RABEPK: variants seen among roughly 807,000 people sequenced by gnomAD.
RABEPK encodes the protein Rab9 effector protein with kelch motifs.
Under a neutral mutation model 34.1 loss-of-function variants are expected in RABEPK, and 27 were observed. That is an observed-to-expected ratio of 0.79 (90% CI 0.58 to 1.09). The LOEUF (loss-of-function observed/expected upper bound fraction) is 1.09. RABEPK is among the 50% of genes least tolerant of loss of function. The pLI, the probability that RABEPK is intolerant of heterozygous loss-of-function variation, is 0.00. For missense variants in RABEPK, 449 were observed against 462.6 expected (o/e 0.97, Z 0.27); for synonymous variants, 172 against 169.2 (o/e 1.02, Z -0.13).
chr9:125,227,359 C>T (rs906965036), intron 5 of RABEPK, among the ~76,000 whole-genome samples: 15 of 151,874 alleles, frequency 9.9e-5, no homozygotes, highest in Non-Finnish European at 1.5e-5. Flanking sequence ...GTAGAAGGGG[C>T]AGGCATGTTT....
At chr9:125,204,547 C>T (rs960154276) in intron 2 of RABEPK, among the ~76,000 whole-genome samples, 6 of 152,254 alleles carry the variant, frequency 3.9e-5, no homozygotes, top group Admixed American at 2.0e-4. Flanking sequence ...TGCCACTGCA[C>T]TCCAGCCTGG....
intron 2 of RABEPK, 139 bp downstream of exon 2, chr9:125,203,205 T>C: frequency 1.5e-6 from 1 of 653,408 alleles, no homozygotes; most frequent in Non-Finnish European, 2.8e-6. Flanking sequence ...ACTCAAACTG[T>C]CTGAGAAAGT....
intron 6 of RABEPK, among the ~76,000 whole-genome samples, chr9:125,231,842 G>T (rs1014455974): frequency 6.6e-6 from 1 of 151,178 alleles, no homozygotes; most frequent in Non-Finnish European, 1.5e-5. Flanking sequence ...TGAAAATTAA[G>T]TGAGCAAAAT....
chr9:125,227,958 C>G lies in RABEPK; in HGVS notation c.575C>G (p.Pro192Arg), dbSNP rs369057277. The change falls in exon 6 of 8, where the codon CCC (proline) becomes CGC (arginine). Residue 192 changes from proline (P) to arginine (R), a missense_variant. By Grantham distance (103) the Pro-to-Arg change is moderately radical. Transcript: ENST00000373538. ...GAGACACTTGGAAATCCTCCATCTC[C>G]CCGGCATGGTCATGTGATGGTGGCA... ...QPETLGNPPS[P>R]RHGHVMVAAG... 355 of 1,608,812 alleles carry G rather than the reference C, an allele frequency of 2.2e-4. No individual in the cohort carries two copies. The highest frequency in any genetic ancestry group is 5.0e-4 in the South Asian group (45 of 90,316).
intron 5 of RABEPK, among the ~76,000 whole-genome samples, chr9:125,226,896 G>A (rs914634993): frequency 5.1e-5 from 7 of 136,806 alleles, no homozygotes; most frequent in Admixed American, 1.5e-4. Context: ...GAAGCCAGGC[G>A]TGGTGACTCA....
At chr9:125,233,653 T>G (rs1262986720) in intron 7 of RABEPK, 35 bp from the exon 8 acceptor site, 1 of 1,591,900 alleles carries the variant, frequency 6.3e-7, no homozygotes, top group Non-Finnish European at 8.6e-7. Context: ...ATCTGGAAAT[T>G]TCTTAACATG....
intron 4 of RABEPK, among the ~76,000 whole-genome samples, chr9:125,214,047 G>A (rs1830757124): frequency 2.0e-5 from 3 of 151,980 alleles, no homozygotes; most frequent in East Asian, 1.9e-4. Context: ...GCTTGAACCC[G>A]GGAGGCGGAG....
Position 125,202,811 on chromosome 9 carries a change from C to T in RABEPK, c.-6-197C>T, listed in dbSNP as rs1039695546. Among the ~76,000 whole-genome samples, 8 of 151,600 alleles carry T rather than the reference C, an allele frequency of 5.3e-5. No homozygotes were observed. The East Asian group carries it at 1.2e-3, about 22-fold the overall frequency. On this transcript the variant is annotated intron_variant, in intron 1 of 7. Coordinates refer to ENST00000373538, the MANE Select transcript of RABEPK (RefSeq NM_005833.4). ...TGCCATTGCACTCCAGCCTGGGCAA[C>T]GAGAGCTAAACTCCATCTCAAATAA... is the stretch of plus-strand genomic sequence containing the variant.
chr9:125,218,237 G>A (rs1397539262), intron 4 of RABEPK, among the ~76,000 whole-genome samples: 2 of 141,540 alleles, frequency 1.4e-5, no homozygotes, highest in African/African-American at 2.6e-5. Context: ...GGAGAATGGC[G>A]TGAACCCGGG....
rs764093453 is a variant in RABEPK at position 125,232,623 on chromosome 9, C to T, written c.704C>T (p.Pro235Leu). 2.5e-6 allele frequency: 4 copies of T among 1,613,652 alleles called. No individual in the cohort carries two copies. In the Admixed American group the frequency reaches 5.0e-5, roughly 20 times the overall value. Reference protein sequence around the residue: ...ISDMKWQKLNPTGAAPAGCAA... With the variant: ...ISDMKWQKLNLTGAAPAGCAA... ...GACATGAAATGGCAGAAGCTAAATC[C>T]CACTGGGGCTGCTCCAGCAGGCTGT... Residue 235 changes from proline (P) to leucine (L), a missense_variant, in exon 7 of 8, where the codon CCC (proline) becomes CTC (leucine). Transcript: ENST00000373538.
Position 125,213,414 on chromosome 9 carries a change from C to G in RABEPK, c.256C>G (p.Arg86Gly), listed in dbSNP as rs139098107. The change falls in exon 4 of 8, where the codon CGG becomes GGG. Residue 86 changes from arginine to glycine, a missense_variant. Coordinates refer to ENST00000373538, the MANE Select transcript of RABEPK (RefSeq NM_005833.4). ...DLDTCKGLLPRYEHASFIPSC... is the reference protein window; with the variant it reads ...DLDTCKGLLPGYEHASFIPSC... Reference sequence around the variant, plus strand: ...AGATACCTGCAAGGGCCTCTTGCCCCGGTATGAACATGCTAGCTTCATTCC... The same window carrying G: ...AGATACCTGCAAGGGCCTCTTGCCCGGGTATGAACATGCTAGCTTCATTCC... 1.9e-6 allele frequency: 3 copies of G among 1,613,738 alleles called. No homozygotes were observed. Among genetic ancestry groups the G allele is most frequent in the African/African-American group, 2.7e-5 (2 of 74,884 alleles).
At chr9:125,232,217 TACACACAC>T (rs34676967) in intron 6 of RABEPK, among the ~76,000 whole-genome samples, 13 of 118,084 alleles carry the variant, frequency 1.1e-4, no homozygotes, top group East Asian at 2.4e-4. Flanking sequence ...GTATTTAAAG[TACACACAC>T]ACACACACAC....
chr9:125,232,623 C>CCACTGGG lies in RABEPK; in HGVS notation c.705_711dup (p.Ala238HisfsTer49). ...GACATGAAATGGCAGAAGCTAAATC[C>CCACTGGG]CACTGGGGCTGCTCCAGCAGGCTGT... On this transcript the variant is annotated frameshift_variant, in exon 7 of 8. Transcript: ENST00000373538. LOFTEE classifies it high-confidence loss of function. The CCACTGGG allele has an allele frequency of 1.2e-6, 2 of 1,613,652 alleles. No homozygotes were observed. The highest frequency in any genetic ancestry group is 1.7e-6 in the Non-Finnish European group (2 of 1,179,776).
chr9:125,201,281 A>G (rs1017314220), intron 1 of RABEPK, among the ~76,000 whole-genome samples: 5 of 152,234 alleles, frequency 3.3e-5, no homozygotes, highest in Non-Finnish European at 5.9e-5. Context: ...GGGAAGCGAC[A>G]TTCCAAATAG....
chr9:125,230,680 T>C (rs1467217670), intron 6 of RABEPK, among the ~76,000 whole-genome samples: 2 of 151,632 alleles, frequency 1.3e-5, no homozygotes, highest in African/African-American at 4.8e-5. Flanking sequence ...GGACTACAGG[T>C]GTCCACCACC....
Position 125,228,100 on chromosome 9 carries a change from TTTTATTTATTTA to T in RABEPK, c.676+49_676+60del, listed in dbSNP as rs1002810110. The T allele has an allele frequency of 2.3e-6, 3 of 1,319,784 alleles. No individual in the cohort carries two copies. The South Asian group carries it at 6.4e-5, about 28-fold the overall frequency. The allele number at this position is 1,319,784 out of a possible 1,614,324, so 81.8% of individuals were successfully genotyped here. ...GGGCTTGTCTGTTTAAAATTGTTAT[TTTTATTTATTTA>T]TTTATTTTTAGACAGGATCTCTGTC... On this transcript the variant is annotated intron_variant, in intron 6 of 7. Coordinates refer to ENST00000373538, the MANE Select transcript of RABEPK (RefSeq NM_005833.4).
At chr9:125,228,659 C>CAAAA (rs544061891) in intron 6 of RABEPK, among the ~76,000 whole-genome samples, 1 of 118,508 alleles carries the variant, frequency 8.4e-6, no homozygotes, top group Non-Finnish European at 1.8e-5. Context: ...ACTCCATCTC[C>CAAAA]AAAAAAAAGA....
At chr9:125,213,610 TC>T (rs1830728582) in intron 4 of RABEPK, 88 bp downstream of exon 4, 1 of 1,166,522 alleles carries the variant, frequency 8.6e-7, no homozygotes, top group African/African-American at 1.5e-5. Context: ...CAATTATAAT[TC>T]CAGTACATTT....
chr9:125,218,321 CAAAAAAAAAAAAA>C (rs71374234), intron 4 of RABEPK, among the ~76,000 whole-genome samples: 2 of 41,170 alleles, frequency 4.9e-5, no homozygotes, highest in Admixed American at 3.5e-4. Context: ...GACTCCGTCT[CAAAAAAAAAAAAA>C]AAAAAAAAAA....
Sources: gnomAD v4.1 joint callset for allele counts (sites outside exome capture counted in the v4.1 genomes callset) on GRCh38, gnomAD v4.1.1 for gene constraint, MANE v1.5 for transcripts, NCBI Gene and HGNC (gene_info 2026-07-23, HGNC 2026-07-21) for gene names.